Variants in ARHGAP11B observed in about 807,000 individuals in gnomAD.
ARHGAP11B encodes the protein inactive Rho GTPase-activating protein 11B.
ARHGAP11B carries 14 observed loss-of-function variants against 27.6 expected under a neutral mutation model. The ratio of observed to expected loss-of-function variants is 0.51; its 90% CI spans 0.34 to 0.79. ARHGAP11B has a LOEUF of 0.79. Among genes scored for constraint, ARHGAP11B ranks in the 30% least tolerant of loss-of-function variants. The probability of loss-of-function intolerance (pLI) is 0.02; values close to 1 mark genes in which losing one functional copy is unlikely to be tolerated. For missense variants in ARHGAP11B, 245 were observed against 320.1 expected (o/e 0.77, Z 1.79); for synonymous variants, 82 against 114.1 (o/e 0.72, Z 1.80).
chr15:30,647,147 T>C (rs1437813560), intron 9 of ARHGAP11B, among the ~76,000 whole-genome samples: 1 of 151,972 alleles, frequency 6.6e-6, no homozygotes, highest in Non-Finnish European at 1.5e-5. Context: ...AAGACATTTT[T>C]TTCCTATCCT....
In ARHGAP11B at chr15:30,641,340, T is replaced by C. The variant is rs1380405404; in HGVS notation, c.*78+2520T>C. ...AGAGTATCTATTCATAATTGTCTCTTTTTTTTTTTTTTGAGACAGAGTTTT... is the reference window on the plus strand; with the variant it reads ...AGAGTATCTATTCATAATTGTCTCTCTTTTTTTTTTTTGAGACAGAGTTTT... On this transcript the variant is annotated intron_variant, in intron 7 of 10. Coordinates refer to ENST00000428041, the Ensembl canonical transcript of ARHGAP11B. Among the ~76,000 whole-genome samples, 4 of 147,434 alleles carry C rather than the reference T, an allele frequency of 2.7e-5. No individual in the cohort carries two copies. The South Asian group carries it at 6.4e-4, about 23-fold the overall frequency.
chr15:30,642,397 G>T lies in ARHGAP11B; in HGVS notation c.*79-2242G>T, dbSNP rs1367818385. On this transcript the variant is annotated intron_variant, in intron 7 of 10. Transcript: ENST00000428041. ...CTGTTGTACCAGTAATTATTTGCAT[G>T]GAACACAGCAGCAGCCAAGGGATTA... Among the ~76,000 whole-genome samples, 19 of 151,952 alleles carry T rather than the reference G, an allele frequency of 1.3e-4. No homozygotes were observed. In the South Asian group the frequency reaches 3.5e-3, roughly 28 times the overall value.
intron 7 of ARHGAP11B, chr15:30,641,384 A>G (rs1299149757): frequency 6.7e-6 from 1 of 149,586 alleles, no homozygotes; most frequent in Non-Finnish European, 1.5e-5. Context: ...TGCCCAGGCT[A>G]GAGTGCAATG....
intron 7 of ARHGAP11B, among the ~76,000 whole-genome samples, chr15:30,640,434 C>T (rs1251646167): frequency 1.6e-5 from 2 of 122,734 alleles, no homozygotes; most frequent in African/African-American, 6.1e-5. Context: ...CATGCTAATC[C>T]GGAGATTAGT....
chr15:30,630,794 A>G (rs750774438), intron 2 of ARHGAP11B, 21 bp downstream of exon 2: 2 of 1,604,694 alleles, frequency 1.2e-6, no homozygotes, highest in Non-Finnish European at 1.7e-6. Flanking sequence ...TTTGAAATGA[A>G]GAAGGCCGGG....
At chr15:30,647,815 A>G (rs2060360326) in intron 10 of ARHGAP11B, 1 of 167,744 alleles carries the variant, frequency 6.0e-6, no homozygotes. Flanking sequence ...ATTATCATAA[A>G]TTTTTCTGAC....
At chr15:30,630,854 C>A (rs1034517352) in intron 2 of ARHGAP11B, 81 bp downstream of exon 2, 1 of 1,607,674 alleles carries the variant, frequency 6.2e-7, no homozygotes, top group African/African-American at 1.3e-5. Flanking sequence ...CCGAGGTGGG[C>A]AGATCACTTG....
intron 6 of ARHGAP11B, among the ~76,000 whole-genome samples, chr15:30,637,347 C>T (rs1442420266): frequency 2.0e-5 from 3 of 152,088 alleles, no homozygotes; most frequent in Non-Finnish European, 4.4e-5. Flanking sequence ...AGGCTTTAAC[C>T]ATGGGTTCTA....
At chr15:30,630,548 A>G (rs945708473) in intron 1 of ARHGAP11B, among the ~76,000 whole-genome samples, 155 bp from the exon 2 acceptor site, 1 of 152,024 alleles carries the variant, frequency 6.6e-6, no homozygotes, top group African/African-American at 2.4e-5. Flanking sequence ...TTTGTTATCA[A>G]ATGCACTTGA....
intron 7 of ARHGAP11B, among the ~76,000 whole-genome samples, chr15:30,640,699 T>A (rs577910395): frequency 0.024 from 3,584 of 151,940 alleles, 89 homozygotes; most frequent in Non-Finnish European, 0.033. Context: ...CTGTCTCTTT[T>A]TTCTGTTGTC....
rs777435170 is a variant in ARHGAP11B at position 30,634,411 on chromosome 15, A to G, written c.539A>G (p.Asn180Ser). ...AGATACTTCTTTAACTTTCTCAGGA[A>G]TGTTTCTCTTAGGTAAGTGGTAATT... The change falls in exon 4 of 11, where the codon AAT becomes AGT. Residue 180 changes from asparagine (N) to serine (S), a missense_variant. By Grantham distance (46) the Asn-to-Ser change is conservative (BLOSUM62 1). Coordinates refer to ENST00000428041, the Ensembl canonical transcript of ARHGAP11B. 7 of 1,606,818 alleles carry G rather than the reference A, an allele frequency of 4.4e-6. No individual in the cohort carries two copies. In the South Asian group the frequency reaches 5.6e-5, roughly 13 times the overall value.
exon 1 of ARHGAP11B, chr15:30,626,786 C>T: frequency 1.2e-6 from 2 of 1,608,828 alleles, no homozygotes; most frequent in Non-Finnish European, 1.7e-6. Flanking sequence ...GGGTCAGGAC[C>T]TGCATCCTGC....
chr15:30,635,325 T>G lies in ARHGAP11B; in HGVS notation c.660+137T>G, dbSNP rs1194712057. Reference sequence around the variant, plus strand: ...CTTTCAAAGGAACTATGAAGGCAACTGTTAGAAAGTTGGTATATTACTGAC... The same window carrying G: ...CTTTCAAAGGAACTATGAAGGCAACGGTTAGAAAGTTGGTATATTACTGAC... On this transcript the variant is annotated intron_variant, in intron 5 of 10. Coordinates refer to ENST00000428041, the Ensembl canonical transcript of ARHGAP11B. The G allele has an allele frequency of 1.2e-5, 17 of 1,454,574 alleles. No homozygotes were observed. The Admixed American group carries it at 2.6e-4, about 22-fold the overall frequency. 90.1% of individuals were successfully genotyped at this position (1,454,574 alleles called of 1,614,324 possible).
chr15:30,647,052 G>C (rs1035772225), intron 9 of ARHGAP11B, among the ~76,000 whole-genome samples: 3 of 151,976 alleles, frequency 2.0e-5, no homozygotes, highest in African/African-American at 4.8e-5. Flanking sequence ...ATGTGGAATG[G>C]GTTGTGGGTG....
intron 1 of ARHGAP11B, among the ~76,000 whole-genome samples, chr15:30,629,248 A>G (rs1243283098): frequency 2.0e-5 from 3 of 152,032 alleles, no homozygotes; most frequent in Non-Finnish European, 4.4e-5. Flanking sequence ...GTTAAGATGT[A>G]AAACCTGGCA....
At position 30,642,122 on chromosome 15, in the gene ARHGAP11B, A is replaced by G. The variant is rs574249798; in HGVS notation, c.*79-2517A>G. 1.5e-3 allele frequency among the ~76,000 whole-genome samples: 227 copies of G among 152,086 alleles called. 1 individual carries two copies. The highest frequency in any genetic ancestry group is 5.1e-3 in the African/African-American group (213 of 41,462). The stretch of plus-strand genomic sequence containing the variant: ...AAATTTTCTTTAGCTAAATGCACCC[A>G]AAAGTTTCTAAGGTGGTTGTATTTT... On this transcript the variant is annotated intron_variant, in intron 7 of 10. Transcript: ENST00000428041.
intron 4 of ARHGAP11B, 95 bp downstream of exon 4, chr15:30,634,518 A>C: frequency 1.4e-6 from 2 of 1,443,100 alleles, no homozygotes; most frequent in East Asian, 2.4e-5. Flanking sequence ...TGGAATGGAA[A>C]TTTTTCTTTA....
chr15:30,635,706 A>G (rs1399619978), intron 6 of ARHGAP11B, 73 bp downstream of exon 6: 1 of 1,479,936 alleles, frequency 6.8e-7, no homozygotes. Flanking sequence ...ATAAAGAAGC[A>G]TGAACTGTGG....
chr15:30,627,742 G>T (rs532167229), intron 1 of ARHGAP11B, among the ~76,000 whole-genome samples: 1 of 152,074 alleles, frequency 6.6e-6, no homozygotes, highest in South Asian at 2.1e-4. Flanking sequence ...TTAAATTTAT[G>T]TGCCTAATTT....
Sources: gnomAD v4.1 joint callset for allele counts (sites outside exome capture counted in the v4.1 genomes callset) on GRCh38, gnomAD v4.1.1 for gene constraint, MANE v1.5 for transcripts, NCBI Gene and HGNC (gene_info 2026-07-23, HGNC 2026-07-21) for gene names.